The following CTTNBP2 variants were observed in gnomAD, a reference collection of about 807,000 sequenced individuals.
CTTNBP2 encodes the protein cortactin-binding protein 2.
A neutral mutation model predicts 156.9 loss-of-function variants in CTTNBP2; 108 were observed. The observed-to-expected ratio is 0.69, with a 90% CI of 0.59 to 0.81. The LOEUF is 0.81. CTTNBP2 is among the 30% of genes least tolerant of loss of function. The pLI is 0.00. For synonymous variants in CTTNBP2, 767 were observed against 751.8 expected (o/e 1.02, Z -0.33); for missense variants, 1,924 against 2,035.4 (o/e 0.95, Z 1.05).
chr7:117,803,389 G>A (rs915401537), intron 3 of CTTNBP2, among the ~76,000 whole-genome samples: 10 of 152,252 alleles, frequency 6.6e-5, no homozygotes, highest in Non-Finnish European at 1.2e-4. Context: ...GACTCCAAAA[G>A]AGGGGAAAGG....
intron 3 of CTTNBP2, among the ~76,000 whole-genome samples, chr7:117,798,759 G>A (rs1042806285): frequency 2.6e-5 from 4 of 151,846 alleles, no homozygotes; most frequent in African/African-American, 4.8e-5. Flanking sequence ...ATAAATGATA[G>A]AGAAATTAAC....
rs11413373 is a variant in CTTNBP2, at chr7:117,814,247, C to CTT, written c.190-3260_190-3259dup. Among the ~76,000 whole-genome samples, 506 of 148,290 alleles carry CTT rather than the reference C, an allele frequency of 3.4e-3. 2 individuals are homozygous for CTT. The highest frequency in any genetic ancestry group is 6.3e-3 in the East Asian group (32 of 5,102). On this transcript the variant is annotated intron_variant, in intron 2 of 22. Transcript: ENST00000160373. The stretch of plus-strand genomic sequence containing the variant: ...TTTTATGGTCAAAAAGCATTTAATT[C>CTT]TTTTTTTTTTTCTTACTGGTGTGAA...
intron 2 of CTTNBP2, among the ~76,000 whole-genome samples, chr7:117,818,160 T>G (rs1800731948): frequency 6.6e-6 from 1 of 152,200 alleles, no homozygotes; most frequent in Non-Finnish European, 1.5e-5. Context: ...TATACTAACA[T>G]GATCTAATCA....
chr7:117,732,379 G>T (rs1287131036), intron 16 of CTTNBP2, among the ~76,000 whole-genome samples: 1 of 151,816 alleles, frequency 6.6e-6, no homozygotes, highest in Non-Finnish European at 1.5e-5. Context: ...GGCTGGGCAT[G>T]GTGGCTCACG....
rs56687697 is a variant in CTTNBP2, at chr7:117,757,528, TAA to T, written c.3268+345_3268+346del. 9.9e-3 allele frequency among the ~76,000 whole-genome samples: 906 copies of T among 91,398 alleles called. 10 individuals are homozygous for T. Among genetic ancestry groups the T allele is most frequent in the African/African-American group, 0.031 (819 of 26,552 alleles). 60.0% of individuals were successfully genotyped at this position (91,398 alleles called of 152,430 possible). A position where few individuals can be genotyped will look rare whatever the true frequency, so the allele number is the denominator to read the frequency against. On this transcript the variant is annotated intron_variant, in intron 11 of 22. Coordinates refer to ENST00000160373, the MANE Select transcript of CTTNBP2 (RefSeq NM_033427.3). Reference sequence around the variant, plus strand: ...TCGTATTAAGCATTATTAAGCACAGTAAAAAAAAAAAAAAAAAAAAAAAGACA... The same window carrying T: ...TCGTATTAAGCATTATTAAGCACAGTAAAAAAAAAAAAAAAAAAAAAGACA...
intron 2 of CTTNBP2, among the ~76,000 whole-genome samples, chr7:117,848,228 C>T (rs1285475012): frequency 6.6e-6 from 1 of 152,092 alleles, no homozygotes; most frequent in Non-Finnish European, 1.5e-5. Flanking sequence ...GTTTGAAGGT[C>T]ACACAGCCCC....
intron 14 of CTTNBP2, among the ~76,000 whole-genome samples, chr7:117,745,213 A>G (rs1796262394): frequency 6.6e-6 from 1 of 152,228 alleles, no homozygotes; most frequent in Non-Finnish European, 1.5e-5. Context: ...TGCTGCTACT[A>G]CCATAGCTGT....
chr7:117,845,810 T>A (rs371281012), intron 2 of CTTNBP2, among the ~76,000 whole-genome samples: 1 of 152,170 alleles, frequency 6.6e-6, no homozygotes, highest in South Asian at 2.1e-4. Context: ...ATTTTAAGCA[T>A]CCTTTCTGAT....
chr7:117,821,863 T>TA (rs1800989799), intron 2 of CTTNBP2, among the ~76,000 whole-genome samples: 1 of 152,176 alleles, frequency 6.6e-6, no homozygotes, highest in African/African-American at 2.4e-5. Context: ...GTGCTGGGAT[T>TA]ACAGGCGTGA....
At chr7:117,806,422 C>T (rs373636455) in intron 3 of CTTNBP2, among the ~76,000 whole-genome samples, 24 of 152,346 alleles carry the variant, frequency 1.6e-4, no homozygotes, top group African/African-American at 5.5e-4. Flanking sequence ...CCACAAAATA[C>T]TCTTACGACA....
At chr7:117,805,339 C>A (rs1455704881) in intron 3 of CTTNBP2, among the ~76,000 whole-genome samples, 1 of 152,064 alleles carries the variant, frequency 6.6e-6, no homozygotes, top group African/African-American at 2.4e-5. Context: ...ATATAGGAAG[C>A]CTGAGAAGCA....
chr7:117,816,601 T>C (rs1800589485), intron 2 of CTTNBP2, among the ~76,000 whole-genome samples: 1 of 152,192 alleles, frequency 6.6e-6, no homozygotes, highest in African/African-American at 2.4e-5. Flanking sequence ...AGGAAACATC[T>C]GTAATGAAAC....
intron 2 of CTTNBP2, among the ~76,000 whole-genome samples, chr7:117,824,365 T>C (rs1801155873): frequency 6.6e-6 from 1 of 152,214 alleles, no homozygotes; most frequent in African/African-American, 2.4e-5. Context: ...CATCAATTTT[T>C]CTCCTGGTGG....
At chr7:117,753,917 T>C (rs982836762) in intron 12 of CTTNBP2, among the ~76,000 whole-genome samples, 4 of 152,174 alleles carry the variant, frequency 2.6e-5, no homozygotes, top group Admixed American at 2.6e-4. Flanking sequence ...AAAATAAAAG[T>C]TGAAGGTAAA....
intron 3 of CTTNBP2, among the ~76,000 whole-genome samples, chr7:117,794,935 G>A (rs1233886384): frequency 2.1e-5 from 3 of 142,726 alleles, no homozygotes; most frequent in African/African-American, 5.2e-5. Context: ...TCGCCCAGGC[G>A]GGACTGCGGA....
chr7:117,732,298 G>C (rs1430481561), intron 16 of CTTNBP2, among the ~76,000 whole-genome samples: 1 of 151,900 alleles, frequency 6.6e-6, no homozygotes, highest in Non-Finnish European at 1.5e-5. Context: ...ATCTTTTATG[G>C]AGGGTTCACA....
intron 4 of CTTNBP2, 59 bp downstream of exon 4, chr7:117,791,069 G>T: frequency 7.2e-7 from 1 of 1,390,778 alleles, no homozygotes; most frequent in Non-Finnish European, 9.8e-7. Context: ...AGAAAATCAA[G>T]GCAAGTGAGA....
In CTTNBP2 at chr7:117,791,661, A is replaced by G. The variant is rs189081403; in HGVS notation, c.1535T>C (p.Val512Ala). Residue 512 changes from valine (V) to alanine (A), a missense_variant, in exon 4 of 23, where the codon GTG becomes GCG. By Grantham distance (64) the Val-to-Ala change is moderately conservative (BLOSUM62 0). Coordinates refer to ENST00000160373, the MANE Select transcript of CTTNBP2 (RefSeq NM_033427.3). ...PQAGAPSRPGVPPTGDVGTHP... is the reference protein window; with the variant it reads ...PQAGAPSRPGAPPTGDVGTHP... ...GGTGCCAACATCCCCTGTTGGGGGC[A>G]CTCCAGGCCTTGAGGGAGCACCTGC... is the stretch of plus-strand genomic sequence containing the variant. 5 of 1,613,880 alleles carry G rather than the reference A, an allele frequency of 3.1e-6. No individual in the cohort carries two copies. In the Admixed American group the frequency reaches 8.3e-5, roughly 27 times the overall value.
intron 17 of CTTNBP2, among the ~76,000 whole-genome samples, chr7:117,727,019 A>G (rs1392171151): frequency 1.3e-5 from 2 of 152,106 alleles, no homozygotes; most frequent in Non-Finnish European, 2.9e-5. Context: ...GAATCTTGAG[A>G]CTCTGGATGT....
Sources: allele counts gnomAD v4.1 joint callset (sites outside exome capture counted in the v4.1 genomes callset), GRCh38; gene constraint gnomAD v4.1.1; transcripts MANE v1.5; gene names NCBI Gene and HGNC (gene_info 2026-07-23, HGNC 2026-07-21).